SLC47A1: variants seen among roughly 807,000 people sequenced by gnomAD.
The protein encoded by SLC47A1 is multidrug and toxin extrusion protein 1.
SLC47A1 carries 58 observed loss-of-function variants against 65.8 expected under a neutral mutation model. That is an observed-to-expected ratio of 0.88 (90% CI 0.71 to 1.10). The LOEUF is 1.10. Ranked by LOEUF, SLC47A1 falls within the 50% of genes least tolerant of loss-of-function variation. The pLI, the probability that SLC47A1 is intolerant of heterozygous loss-of-function variation, is 0.00. For missense variants in SLC47A1, 706 were observed against 719.2 expected (o/e 0.98, Z 0.21); for synonymous variants, 285 against 295.0 (o/e 0.97, Z 0.35).
Position 19,578,076 on chromosome 17 carries a change from G to A in SLC47A1, c.*523G>A. ...TAGCTCACTGCAGCCTCGAACTCTTGGGCTTCAAGCAATCCTCCTGTGTCA... is the reference window on the plus strand; with the variant it reads ...TAGCTCACTGCAGCCTCGAACTCTTAGGCTTCAAGCAATCCTCCTGTGTCA... On this transcript the variant is annotated 3_prime_UTR_variant, in exon 17 of 17. Transcript: ENST00000270570. The A allele has an allele frequency of 2.4e-6, 2 of 826,138 alleles. No homozygotes were observed. The highest frequency in any genetic ancestry group is 3.5e-6 in the Non-Finnish European group (2 of 566,444). The allele number at this position is 826,138 out of a possible 1,614,324, so 51.2% of individuals were successfully genotyped here. A position where few individuals can be genotyped will look rare whatever the true frequency, so the allele number is the denominator to read the frequency against.
chr17:19,539,605 C>G (rs1916083974), intron 1 of SLC47A1, among the ~76,000 whole-genome samples: 1 of 152,154 alleles, frequency 6.6e-6, no homozygotes, highest in Non-Finnish European at 1.5e-5. Flanking sequence ...CTGCCTCAGC[C>G]TCCCGAGTAG....
At chr17:19,544,648 C>T (rs116292163) in intron 2 of SLC47A1, among the ~76,000 whole-genome samples, 2,190 of 152,310 alleles carry the variant, frequency 0.014, 52 homozygotes, top group African/African-American at 0.048. Flanking sequence ...GACTTCAGAC[C>T]GCCTCTGCAC....
chr17:19,543,358 C>T (rs923029807), intron 2 of SLC47A1, among the ~76,000 whole-genome samples: 5 of 152,132 alleles, frequency 3.3e-5, no homozygotes, highest in Non-Finnish European at 5.9e-5. Context: ...GATCCACCCG[C>T]CTCGGCCTCC....
chr17:19,543,516 T>C (rs1916207984), intron 2 of SLC47A1, among the ~76,000 whole-genome samples: 1 of 152,172 alleles, frequency 6.6e-6, no homozygotes, highest in Non-Finnish European at 1.5e-5. Flanking sequence ...TCAGAGGAAC[T>C]GACTCCCCCC....
chr17:19,575,300 T>C (rs1167842204), intron 16 of SLC47A1, among the ~76,000 whole-genome samples: 1 of 152,102 alleles, frequency 6.6e-6, no homozygotes, highest in African/African-American at 2.4e-5. Flanking sequence ...CCACTTATGC[T>C]CATTAGGAAG....
intron 16 of SLC47A1, among the ~76,000 whole-genome samples, chr17:19,574,963 C>T (rs947078018): frequency 5.3e-5 from 8 of 152,256 alleles, no homozygotes; most frequent in South Asian, 2.1e-4. Flanking sequence ...TTTATACTAC[C>T]GCTGTTGGGG....
chr17:19,533,931 G>A lies in SLC47A1; in HGVS notation c.-9G>A, dbSNP rs1482641961. On this transcript the variant is annotated 5_prime_UTR_variant, in exon 1 of 17. Transcript: ENST00000270570. ...CCTCCGCGCTACCCGGCCGCAGCGC[G>A]CGAGTCACATGGAAGCTCCTGAGGA... 2.0e-6 allele frequency: 3 copies of A among 1,483,124 alleles called. No homozygotes were observed. The South Asian group carries it at 3.8e-5, about 19-fold the overall frequency. The allele number at this position is 1,483,124 out of a possible 1,614,324, so 91.9% of individuals were successfully genotyped here. A position where few individuals can be genotyped will look rare whatever the true frequency, so the allele number is the denominator to read the frequency against.
rs1282529164 is a variant in SLC47A1, at chr17:19,578,048, T to C, written c.*495T>C. 1 of 1,067,698 alleles carries C rather than the reference T, an allele frequency of 9.4e-7. No individual in the cohort carries two copies. Among genetic ancestry groups the C allele is most frequent in the East Asian group, 5.9e-5 (1 of 16,968 alleles). The allele number at this position is 1,067,698 out of a possible 1,614,324, so 66.1% of individuals were successfully genotyped here. ...TGCAGGCTGGAGTGCGGTGGTGCGA[T>C]CATAGCTCACTGCAGCCTCGAACTC... On this transcript the variant is annotated 3_prime_UTR_variant, in exon 17 of 17. Transcript: ENST00000270570.
At chr17:19,575,898 C>T (rs191895288) in intron 16 of SLC47A1, among the ~76,000 whole-genome samples, 1 of 152,268 alleles carries the variant, frequency 6.6e-6, no homozygotes, top group East Asian at 1.9e-4. Context: ...GAATCACAGT[C>T]ATTACCCAAC....
chr17:19,540,448 A>G (rs1221814818), intron 1 of SLC47A1, among the ~76,000 whole-genome samples: 2 of 152,214 alleles, frequency 1.3e-5, no homozygotes, highest in Non-Finnish European at 2.9e-5. Context: ...CGAGTTTACA[A>G]ATAAAAGGGA....
chr17:19,555,280 G>A lies in SLC47A1; in HGVS notation c.612G>A (p.Leu204=), dbSNP rs1016879240. 1.9e-6 allele frequency: 3 copies of A among 1,614,076 alleles called. No homozygotes were observed. Among genetic ancestry groups the A allele is most frequent in the East Asian group, 2.2e-5 (1 of 44,888 alleles). Reference sequence around the variant, plus strand: ...TTGTCAATGCCCTCGCCAACTATCTGTTTCTCCATCAACTGCATCTTGGGG... The same window carrying A: ...TTGTCAATGCCCTCGCCAACTATCTATTTCTCCATCAACTGCATCTTGGGG... ...ANLVNALANY[L]FLHQLHLGVI... Residue 204 remains leucine (L), a synonymous_variant, in exon 7 of 17, where the codon CTG becomes CTA. Transcript: ENST00000270570.
chr17:19,554,753 A>G (rs1916555376), intron 6 of SLC47A1, among the ~76,000 whole-genome samples: 1 of 152,186 alleles, frequency 6.6e-6, no homozygotes, highest in African/African-American at 2.4e-5. Flanking sequence ...TTTGAAAGTT[A>G]GATATGTTGG....
At position 19,577,706 on chromosome 17, in the gene SLC47A1, A is replaced by G; in HGVS notation, c.*153A>G. On this transcript the variant is annotated 3_prime_UTR_variant, in exon 17 of 17. Transcript: ENST00000270570. Reference sequence around the variant, plus strand: ...TGCAAAGACACATTTTTCTATAAAAAGAAAAAGCAACTAAGGTTAAAAGCT... The same window carrying G: ...TGCAAAGACACATTTTTCTATAAAAGGAAAAAGCAACTAAGGTTAAAAGCT... The G allele has an allele frequency of 2.8e-6, 4 of 1,442,250 alleles. No homozygotes were observed. The highest frequency in any genetic ancestry group is 3.6e-6 in the Non-Finnish European group (4 of 1,105,214). 89.3% of individuals were successfully genotyped at this position (1,442,250 alleles called of 1,614,324 possible).
chr17:19,555,670 T>G lies in SLC47A1; in HGVS notation c.719T>G (p.Leu240Arg). ...LLFLYILGKK[L>R]HQATWGGWSL... ...TTTCTCTACATCCTCGGGAAAAAAC[T>G]GCATCAAGCTACATGGGGAGGTAAT... Residue 240 changes from leucine to arginine, a missense_variant, in exon 8 of 17, where the codon CTG becomes CGG. Coordinates refer to ENST00000270570, the MANE Select transcript of SLC47A1 (RefSeq NM_018242.3). 1 of 1,614,214 alleles carries G rather than the reference T, an allele frequency of 6.2e-7. No individual in the cohort carries two copies. The highest frequency in any genetic ancestry group is 8.5e-7 in the Non-Finnish European group (1 of 1,180,028).
intron 10 of SLC47A1, among the ~76,000 whole-genome samples, chr17:19,559,057 C>T (rs1597504229): frequency 6.6e-6 from 1 of 152,256 alleles, no homozygotes; most frequent in East Asian, 1.9e-4. Flanking sequence ...AATGGTAAAT[C>T]TTTATTGAGC....
At chr17:19,540,334 T>A (rs979607301) in intron 1 of SLC47A1, among the ~76,000 whole-genome samples, 1 of 152,184 alleles carries the variant, frequency 6.6e-6, no homozygotes, top group Non-Finnish European at 1.5e-5. Flanking sequence ...AAACGTGATG[T>A]TCCGTGGGAA....
intron 1 of SLC47A1, among the ~76,000 whole-genome samples, chr17:19,539,800 C>T (rs1435568432): frequency 2.0e-5 from 3 of 152,118 alleles, no homozygotes; most frequent in Non-Finnish European, 4.4e-5. Context: ...CCTCCTGGGT[C>T]TTGCGATGGG....
In SLC47A1 at chr17:19,555,225, C is replaced by T. The variant is rs767295387; in HGVS notation, c.557C>T (p.Pro186Leu). The change falls in exon 7 of 17, where the codon CCC becomes CTC. Residue 186 changes from proline (P) to leucine (L), a missense_variant. Transcript: ENST00000270570. ...TCCTTTTTCCAGGGAATTGTACTGCCCCAGATCGTAACTGGAGTTGCAGCC... is the reference window on the plus strand; with the variant it reads ...TCCTTTTTCCAGGGAATTGTACTGCTCCAGATCGTAACTGGAGTTGCAGCC... ...KYLLNQGIVL[P>L]QIVTGVAANL... The T allele has an allele frequency of 1.9e-5, 30 of 1,614,028 alleles. No individual in the cohort carries two copies. The highest frequency in any genetic ancestry group is 2.5e-5 in the Non-Finnish European group (30 of 1,180,038).
At chr17:19,570,508 C>T (rs571252006) in intron 14 of SLC47A1, among the ~76,000 whole-genome samples, 25 of 152,296 alleles carry the variant, frequency 1.6e-4, no homozygotes, top group South Asian at 4.1e-4. Context: ...ATGTATTTTA[C>T]TTTCTCTGGT....
Sources: gnomAD v4.1 joint callset for allele counts (sites outside exome capture counted in the v4.1 genomes callset) on GRCh38, gnomAD v4.1.1 for gene constraint, MANE v1.5 for transcripts, NCBI Gene and HGNC (gene_info 2026-07-23, HGNC 2026-07-21) for gene names.